The following MEGF11 variants were observed in gnomAD, a reference collection of about 807,000 sequenced individuals.
MEGF11 encodes the protein multiple epidermal growth factor-like domains protein 11.
Under a neutral mutation model 146.6 loss-of-function variants are expected in MEGF11, and 126 were observed. The ratio of observed to expected loss-of-function variants is 0.86; its 90% confidence interval spans 0.74 to 1.00. The LOEUF is 1.00. Among genes scored for constraint, MEGF11 ranks in the 50% least tolerant of loss-of-function variants. MEGF11 has a pLI of 0.00. For synonymous variants in MEGF11, 532 were observed against 583.4 expected (o/e 0.91, Z 1.27); for missense variants, 1,509 against 1,521.2 (o/e 0.99, Z 0.13).
intron 3 of MEGF11, among the ~76,000 whole-genome samples, chr15:66,122,109 A>C (rs976436468): frequency 1.3e-5 from 2 of 152,144 alleles, no homozygotes; most frequent in African/African-American, 4.8e-5. Context: ...CTAAAAATAC[A>C]AAAATTAGAA....
intron 1 of MEGF11, among the ~76,000 whole-genome samples, chr15:66,183,139 T>C (rs992035593): frequency 2.6e-5 from 4 of 152,204 alleles, no homozygotes; most frequent in African/African-American, 7.2e-5. Context: ...ACTACTTGCA[T>C]ATTTTAGAAC....
At chr15:66,245,736 C>T (rs558798488) in intron 1 of MEGF11, among the ~76,000 whole-genome samples, 44 of 152,192 alleles carry the variant, frequency 2.9e-4, no homozygotes, top group African/African-American at 5.5e-4. Context: ...CCATGGATTC[C>T]GGACTCATTG....
intron 9 of MEGF11, 131 bp from the exon 10 acceptor site, chr15:65,957,852 A>G (rs2080714893): frequency 2.6e-6 from 2 of 776,664 alleles, no homozygotes; most frequent in Non-Finnish European, 4.1e-6. Flanking sequence ...AAATTGCTCA[A>G]TGCCTTTTCT....
intron 5 of MEGF11, among the ~76,000 whole-genome samples, chr15:66,002,499 G>A (rs3910311): frequency 1.7e-4 from 26 of 152,288 alleles, no homozygotes; most frequent in South Asian, 1.5e-3. Flanking sequence ...GGGCATTAAG[G>A]TATAGGAATT....
chr15:66,009,307 C>A (rs1404491957), intron 5 of MEGF11, among the ~76,000 whole-genome samples: 1 of 149,144 alleles, frequency 6.7e-6, no homozygotes, highest in Non-Finnish European at 1.5e-5. Flanking sequence ...GAGGAAAGAC[C>A]AGTCCCTTAA....
chr15:65,978,544 C>G (rs1335928211), intron 7 of MEGF11, among the ~76,000 whole-genome samples: 1 of 152,206 alleles, frequency 6.6e-6, no homozygotes, highest in African/African-American at 2.4e-5. Context: ...TCACCTTCCC[C>G]CTGTTCAACC....
rs553749537 is a variant in MEGF11 at position 66,177,673 on chromosome 15, C to A, written c.-8-49262G>T. ...TCTGCCCCCTTCCCCAATTCCATTG[C>A]CTTTTTCTTCTTTTTTTTTTTTTTT... On this transcript the variant is annotated intron_variant, in intron 1 of 25. Coordinates refer to ENST00000395614, the MANE Select transcript of MEGF11 (RefSeq NM_001385028.1). Among the ~76,000 whole-genome samples the A allele has an allele frequency of 7.0e-4, 106 of 151,410 alleles. No homozygotes were observed. The East Asian group carries it at 0.018, about 26-fold the overall frequency.
At chr15:66,195,345 A>G (rs936387360) in intron 1 of MEGF11, among the ~76,000 whole-genome samples, 1 of 152,240 alleles carries the variant, frequency 6.6e-6, no homozygotes. Context: ...ATTCTAAGAC[A>G]TAAAAGTTCA....
intron 5 of MEGF11, among the ~76,000 whole-genome samples, chr15:66,068,408 G>A (rs879492477): frequency 1.3e-5 from 2 of 152,134 alleles, no homozygotes; most frequent in African/African-American, 4.8e-5. Flanking sequence ...CATACCAATC[G>A]TGCTCTTTCT....
intron 1 of MEGF11, among the ~76,000 whole-genome samples, chr15:66,191,411 TC>T (rs2090874291): frequency 6.6e-6 from 1 of 152,216 alleles, no homozygotes; most frequent in Middle Eastern, 3.2e-3. Flanking sequence ...AAATCCATTA[TC>T]TTAACAGCTG....
At chr15:66,141,403 G>A (rs890788906) in intron 1 of MEGF11, among the ~76,000 whole-genome samples, 1 of 151,952 alleles carries the variant, frequency 6.6e-6, no homozygotes, top group Non-Finnish European at 1.5e-5. Flanking sequence ...TGTGAGAAAA[G>A]AGAAGACGAC....
chr15:66,079,548 C>A (rs77131628), intron 5 of MEGF11, among the ~76,000 whole-genome samples: 2 of 126,382 alleles, frequency 1.6e-5, no homozygotes, highest in East Asian at 2.2e-4. Context: ...CCCCCCCCCC[C>A]AGCACCCCCG....
rs76302420 is a variant in MEGF11, at chr15:66,235,022, C to T, written c.-9+18583G>A. Among the ~76,000 whole-genome samples the T allele has an allele frequency of 2.5e-3, 378 of 152,298 alleles. 2 individuals are homozygous for T. Among genetic ancestry groups the T allele is most frequent in the Non-Finnish European group, 4.0e-3 (270 of 68,028 alleles). ...GCTCTTTCCTATGCTTCCACACCCT[C>T]CACGCCTACTCTGCACAAAGCAGGA... On this transcript the variant is annotated intron_variant, in intron 1 of 25. Transcript: ENST00000395614.
chr15:65,970,273 G>C (rs940868851), intron 8 of MEGF11, among the ~76,000 whole-genome samples: 1 of 152,208 alleles, frequency 6.6e-6, no homozygotes, highest in Non-Finnish European at 1.5e-5. Flanking sequence ...CCCTCTATGA[G>C]TGCAGAGAGT....
Position 65,907,907 on chromosome 15 carries a change from C to T in MEGF11, c.2998+1127G>A, listed in dbSNP as rs955977596. Reference sequence around the variant, plus strand: ...TGCCTGGGTGTAAGACAAATGCCAGCGCATGGCGCTCTGGCTACGCTAGTT... The same window carrying T: ...TGCCTGGGTGTAAGACAAATGCCAGTGCATGGCGCTCTGGCTACGCTAGTT... On this transcript the variant is annotated intron_variant, in intron 23 of 25. Transcript: ENST00000395614. 5.9e-5 allele frequency among the ~76,000 whole-genome samples: 9 copies of T among 152,366 alleles called. No individual in the cohort carries two copies. In the East Asian group the frequency reaches 1.3e-3, roughly 23 times the overall value.
In MEGF11 at chr15:66,123,970, T is replaced by G; in HGVS notation, c.129A>C (p.Ala43=). The change falls in exon 3 of 26, where the codon GCA becomes GCC. Residue 43 remains alanine, a synonymous_variant. Transcript: ENST00000395614. The part of the protein sequence containing the change: ...SYAVTVQESY[A]HPFDQIYYTR... ...TGTAATAGATCTGATCGAAGGGGTG[T>G]GCATACGATTCCTGGACAGTCACAG... is the stretch of plus-strand genomic sequence containing the variant. The G allele has an allele frequency of 6.2e-7, 1 of 1,613,910 alleles. No homozygotes were observed.
At chr15:65,974,170 G>A (rs1190051766) in intron 7 of MEGF11, among the ~76,000 whole-genome samples, 1 of 152,120 alleles carries the variant, frequency 6.6e-6, no homozygotes, top group African/African-American at 2.4e-5. Flanking sequence ...CCAGACCAGA[G>A]TCATCTTTCA....
At chr15:65,976,040 CTTTTTTTTTTT>C (rs57047424) in intron 7 of MEGF11, among the ~76,000 whole-genome samples, 1 of 102,088 alleles carries the variant, frequency 9.8e-6, no homozygotes, top group Admixed American at 1.0e-4. Flanking sequence ...TTCAACATTC[CTTTTTTTTTTT>C]TTTTTTTTTG....
chr15:66,111,277 G>A (rs1389871409), intron 4 of MEGF11, among the ~76,000 whole-genome samples: 1 of 152,138 alleles, frequency 6.6e-6, no homozygotes, highest in African/African-American at 2.4e-5. Context: ...CTCCAAGAAG[G>A]CATTGAATTA....
Sources: gnomAD v4.1 joint callset for allele counts (sites outside exome capture counted in the v4.1 genomes callset) on GRCh38, gnomAD v4.1.1 for gene constraint, MANE v1.5 for transcripts, NCBI Gene and HGNC (gene_info 2026-07-23, HGNC 2026-07-21) for gene names.